Variants in DNAJB11 observed in about 807,000 individuals in gnomAD.
The protein encoded by DNAJB11 is dnaJ homolog subfamily B member 11.
DNAJB11 carries 30 observed loss-of-function variants against 47.2 expected under a neutral mutation model. The observed-to-expected ratio is 0.64, with a 90% CI of 0.48 to 0.86. The LOEUF (loss-of-function observed/expected upper bound fraction) is 0.86. Among genes scored for constraint, DNAJB11 ranks in the 40% least tolerant of loss-of-function variants. The probability of loss-of-function intolerance (pLI) is 0.00; values close to 1 mark genes in which losing one functional copy is unlikely to be tolerated. For missense variants in DNAJB11, 357 were observed against 440.2 expected (o/e 0.81, Z 1.69); for synonymous variants, 151 against 159.9 (o/e 0.94, Z 0.42).
chr3:186,582,871 C>T (rs1696980927), intron 7 of DNAJB11, 98 bp downstream of exon 7: 2 of 871,642 alleles, frequency 2.3e-6, no homozygotes, highest in East Asian at 2.7e-5. Flanking sequence ...GTTTCTTACC[C>T]TTATTACCCT....
In DNAJB11 at chr3:186,572,078, C is replaced by T. The variant is rs375290424; in HGVS notation, c.69-17C>T. 3.2e-6 allele frequency: 5 copies of T among 1,552,390 alleles called. No individual in the cohort carries two copies. In the Admixed American group the frequency reaches 6.5e-5, roughly 20 times the overall value. On this transcript the variant is annotated splice_polypyrimidine_tract_variant and intron_variant, in intron 1 of 9. Transcript: ENST00000265028. ...ATGTAACTCTTTAATGAAGTATTCT[C>T]TCCCTCTACTTCCCAGACGAGATTT...
At chr3:186,571,901 A>G (rs1715072817) in intron 1 of DNAJB11, among the ~76,000 whole-genome samples, 194 bp from the exon 2 acceptor site, 1 of 152,372 alleles carries the variant, frequency 6.6e-6, no homozygotes, top group Non-Finnish European at 1.5e-5. Context: ...GATTACTTCA[A>G]TATATAAGAT....
At chr3:186,581,335 C>A (rs766570051) in intron 4 of DNAJB11, 36 bp from the exon 5 acceptor site, 139 of 1,609,412 alleles carry the variant, frequency 8.6e-5, no homozygotes, top group Non-Finnish European at 1.2e-4. Flanking sequence ...CTGTTTTACA[C>A]AAGAGAGAAG....
At chr3:186,585,089 C>T (rs1043149770) in intron 9 of DNAJB11, among the ~76,000 whole-genome samples, 5 of 152,164 alleles carry the variant, frequency 3.3e-5, no homozygotes, top group Non-Finnish European at 7.3e-5. Context: ...ATTGCCTCTT[C>T]TCATTCCTCA....
chr3:186,584,940 G>C (rs1015846088), intron 9 of DNAJB11, among the ~76,000 whole-genome samples: 1 of 152,162 alleles, frequency 6.6e-6, no homozygotes, highest in African/African-American at 2.4e-5. Flanking sequence ...TGCATGTCTA[G>C]GATGACTGGT....
chr3:186,585,614 T>A lies in DNAJB11; in HGVS notation c.*206T>A. 2.7e-6 allele frequency: 1 copy of A among 376,504 alleles called. No homozygotes were observed. The highest frequency in any genetic ancestry group is 4.9e-6 in the Non-Finnish European group (1 of 205,292). 23.3% of individuals were successfully genotyped at this position (376,504 alleles called of 1,614,324 possible). ...AAAGAATGACCAGCAAAAGGTTTAC[T>A]AATACCTCTCCCTTTGGGGATTTAA... is the stretch of plus-strand genomic sequence containing the variant. On this transcript the variant is annotated 3_prime_UTR_variant, in exon 10 of 10. Transcript: ENST00000265028.
intron 1 of DNAJB11, among the ~76,000 whole-genome samples, chr3:186,571,790 A>G (rs1285526281): frequency 5.3e-5 from 8 of 152,242 alleles, no homozygotes; most frequent in African/African-American, 1.4e-4. Context: ...ACATGAGACC[A>G]TAAAATAAGG....
chr3:186,584,664 T>G, intron 9 of DNAJB11, 75 bp downstream of exon 9: 2 of 1,389,006 alleles, frequency 1.4e-6, no homozygotes, highest in Non-Finnish European at 1.9e-6. Flanking sequence ...GAGAAAAGGA[T>G]GGCAATAGAA....
chr3:186,578,765 T>G (rs566208656), intron 4 of DNAJB11: 1 of 152,364 alleles, frequency 6.6e-6, no homozygotes, highest in Admixed American at 6.5e-5. Flanking sequence ...GTTGGCTGTA[T>G]GTAATGCAGA....
rs1715014975 is a variant in DNAJB11, at chr3:186,570,831, GC to G, written c.-66del. On this transcript the variant is annotated 5_prime_UTR_variant, in exon 1 of 10. Coordinates refer to ENST00000265028, the MANE Select transcript of DNAJB11 (RefSeq NM_016306.6). ...CGGCCTCACAGGGCCGGGTGGGCTG[GC>G]GAGCCGACGCGGCGGCGGAGGAGGC... The G allele has an allele frequency of 6.6e-7, 1 of 1,507,654 alleles. No individual in the cohort carries two copies. The highest frequency in any genetic ancestry group is 9.0e-7 in the Non-Finnish European group (1 of 1,108,960). 93.4% of individuals were successfully genotyped at this position (1,507,654 alleles called of 1,614,324 possible). A position where few individuals can be genotyped will look rare whatever the true frequency, so the allele number is the denominator to read the frequency against.
intron 1 of DNAJB11, 89 bp downstream of exon 1, chr3:186,571,054 C>G (rs1461174267): frequency 9.3e-6 from 11 of 1,188,756 alleles, no homozygotes; most frequent in Non-Finnish European, 1.3e-5. Context: ...CATTGCCAGA[C>G]TGACGGAGTG....
At chr3:186,580,737 T>C (rs770534061) in intron 4 of DNAJB11, 1 of 152,240 alleles carries the variant, frequency 6.6e-6, no homozygotes, top group Non-Finnish European at 1.5e-5. Context: ...GTTTGACTAT[T>C]TAAACAGGCA....
chr3:186,579,790 G>C (rs1302750546), intron 4 of DNAJB11: 3 of 152,194 alleles, frequency 2.0e-5, no homozygotes. Context: ...GCAGTCATGG[G>C]AAACAGTTCA....
At chr3:186,580,011 A>T (rs1715430981) in intron 4 of DNAJB11, 1 of 152,242 alleles carries the variant, frequency 6.6e-6, no homozygotes, top group Non-Finnish European at 1.5e-5. Flanking sequence ...ATCACAGAAG[A>T]TGCAACTGAC....
intron 2 of DNAJB11, among the ~76,000 whole-genome samples, chr3:186,572,857 C>A (rs1332667740): frequency 6.6e-6 from 1 of 152,152 alleles, no homozygotes; most frequent in Non-Finnish European, 1.5e-5. Context: ...CATACAAATG[C>A]AAACAGTATG....
chr3:186,576,074 C>A, intron 3 of DNAJB11, 137 bp downstream of exon 3: 1 of 610,784 alleles, frequency 1.6e-6, no homozygotes, highest in Non-Finnish European at 2.9e-6. Flanking sequence ...CAATTATTGT[C>A]CTCCCTGTGG....
rs199989283 is a variant in DNAJB11 at position 186,577,677 on chromosome 3, G to A, written c.333G>A (p.Gly111=). ...SHGDIFSHFF[G]DFGFMFGGTP... is the part of the protein sequence containing the mutation. ...TTGCACTTATCTTTAGCTTCTTTGG[G>A]GATTTTGGTTTCATGTTTGGAGGAA... The change falls in exon 4 of 10, where the codon GGG becomes GGA. Residue 111 remains glycine, a synonymous_variant. Transcript: ENST00000265028. The A allele has an allele frequency of 7.5e-6, 12 of 1,590,046 alleles. No homozygotes were observed. In the Admixed American group the frequency reaches 2.2e-4, roughly 29 times the overall value.
intron 2 of DNAJB11, among the ~76,000 whole-genome samples, chr3:186,575,574 A>C (rs1416878216): frequency 6.6e-6 from 1 of 152,212 alleles, no homozygotes; most frequent in Admixed American, 6.5e-5. Context: ...TGCTAATCTC[A>C]GGTATTATTT....
Position 186,570,906 on chromosome 3 carries a change from G to A in DNAJB11, c.9G>A (p.Pro3=). The A allele has an allele frequency of 1.9e-6, 3 of 1,604,928 alleles. No individual in the cohort carries two copies. Among genetic ancestry groups the A allele is most frequent in the Non-Finnish European group, 2.6e-6 (3 of 1,175,732 alleles). Residue 3 remains proline, a synonymous_variant, in exon 1 of 10, where the codon CCG becomes CCA. Coordinates refer to ENST00000265028, the MANE Select transcript of DNAJB11 (RefSeq NM_016306.6). ...CCCGGGACAGAGGAACCATGGCTCC[G>A]CAGAACCTGAGCACCTTTTGCCTGT... is the stretch of plus-strand genomic sequence containing the variant. MA[P]QNLSTFCLLL... is the part of the protein sequence containing the mutation.
Sources: allele counts gnomAD v4.1 joint callset (sites outside exome capture counted in the v4.1 genomes callset), GRCh38; gene constraint gnomAD v4.1.1; transcripts MANE v1.5; gene names NCBI Gene and HGNC (gene_info 2026-07-23, HGNC 2026-07-21).